Variants in CCDC141 observed in about 807,000 individuals in gnomAD.
CCDC141 encodes the protein coiled-coil domain-containing protein 141.
A neutral mutation model predicts 181.0 loss-of-function variants in CCDC141; 168 were observed. The ratio of observed to expected loss-of-function variants is 0.93; its 90% CI spans 0.82 to 1.05. The LOEUF (loss-of-function observed/expected upper bound fraction) is 1.05. Among genes scored for constraint, CCDC141 ranks in the 50% least tolerant of loss-of-function variants. CCDC141 has a pLI of 0.00. For synonymous variants in CCDC141, 666 were observed against 642.3 expected (o/e 1.04, Z -0.56); for missense variants, 1,902 against 1,788.5 (o/e 1.06, Z -1.14).
chr2:178,989,019 C>T (rs1691897491), intron 2 of CCDC141, among the ~76,000 whole-genome samples: 1 of 152,154 alleles, frequency 6.6e-6, no homozygotes, highest in African/African-American at 2.4e-5. Flanking sequence ...TATCAGTGAT[C>T]TCAATGTAAA....
chr2:178,898,488 A>T (rs1346729904), intron 8 of CCDC141, among the ~76,000 whole-genome samples: 3 of 152,226 alleles, frequency 2.0e-5, no homozygotes, highest in Admixed American at 2.0e-4. Context: ...AAGCATCATA[A>T]AGAATGCACT....
At chr2:178,933,479 T>C (rs2635131) in intron 6 of CCDC141, among the ~76,000 whole-genome samples, 150,224 of 152,298 alleles carry the variant, frequency 0.99, 74,115 homozygotes, top group Middle Eastern at 1. Context: ...CTCTCTGATG[T>C]TGCTGTTGTT....
chr2:178,942,770 A>G (rs2154377067), intron 6 of CCDC141, among the ~76,000 whole-genome samples: 1 of 152,270 alleles, frequency 6.6e-6, no homozygotes, highest in Non-Finnish European at 1.5e-5. Flanking sequence ...CAGGGTGTAT[A>G]TGGGAAATCT....
intron 4 of CCDC141, 25 bp from the exon 5 acceptor site, chr2:178,961,508 A>C: frequency 6.6e-7 from 1 of 1,520,960 alleles, no homozygotes; most frequent in Non-Finnish European, 8.9e-7. Flanking sequence ...GAAAGAAAAA[A>C]GAATAATGAT....
chr2:179,018,833 T>A (rs771971504), intron 2 of CCDC141, among the ~76,000 whole-genome samples: 4 of 152,140 alleles, frequency 2.6e-5, no homozygotes, highest in Non-Finnish European at 4.4e-5. Flanking sequence ...TATTTCTTTT[T>A]AAATACAATA....
chr2:178,997,877 G>A (rs185544280), intron 2 of CCDC141, among the ~76,000 whole-genome samples: 89 of 152,260 alleles, frequency 5.8e-4, no homozygotes, highest in African/African-American at 2.0e-3. Context: ...TGAGCCTGGT[G>A]CTCCAGCCTT....
intron 8 of CCDC141, among the ~76,000 whole-genome samples, chr2:178,898,309 G>A (rs1168321625): frequency 6.6e-6 from 1 of 152,140 alleles, no homozygotes; most frequent in Non-Finnish European, 1.5e-5. Flanking sequence ...TTATGAGGCA[G>A]CATGAGGTTC....
At chr2:178,952,003 T>G (rs903598175) in intron 5 of CCDC141, among the ~76,000 whole-genome samples, 7 of 152,132 alleles carry the variant, frequency 4.6e-5, no homozygotes, top group Admixed American at 1.3e-4. Flanking sequence ...TTAATGAAAA[T>G]GTAATCAACT....
intron 1 of CCDC141, 29 bp downstream of exon 1, chr2:179,049,811 G>A (rs938495531): frequency 4.2e-5 from 65 of 1,549,802 alleles, no homozygotes; most frequent in African/African-American, 1.2e-4. Context: ...GCCCACAGCC[G>A]CACAGAAAAA....
At chr2:179,017,421 G>A (rs921258416) in intron 2 of CCDC141, among the ~76,000 whole-genome samples, 4 of 151,986 alleles carry the variant, frequency 2.6e-5, no homozygotes, top group African/African-American at 7.2e-5. Flanking sequence ...CTTCTTTTCT[G>A]TTCCTTGGGA....
intron 2 of CCDC141, among the ~76,000 whole-genome samples, chr2:178,995,612 A>G (rs1692253509): frequency 6.6e-6 from 1 of 152,212 alleles, no homozygotes; most frequent in South Asian, 2.1e-4. Flanking sequence ...AAAACAAAAA[A>G]TCTAGATTAT....
In CCDC141 at chr2:178,870,231, C is replaced by CAAAAAAAAAAAAAAAAAAAAAAA. The variant is rs34625707; in HGVS notation, c.2206-949_2206-927dup. On this transcript the variant is annotated intron_variant, in intron 14 of 23. Coordinates refer to ENST00000443758, the MANE Select transcript of CCDC141 (RefSeq NM_173648.4). Reference sequence around the variant, plus strand: ...TGGGCAACAGAGTAAGACTCTGTCTCAAAAAAAAAAAAAAAAAAAAAAAGA... The same window carrying CAAAAAAAAAAAAAAAAAAAAAAA: ...TGGGCAACAGAGTAAGACTCTGTCTCAAAAAAAAAAAAAAAAAAAAAAAAAAAAAAAAAAAAAAAAAAAAAAGA... Among the ~76,000 whole-genome samples, 30 of 60,288 alleles carry CAAAAAAAAAAAAAAAAAAAAAAA rather than the reference C, an allele frequency of 5.0e-4. 3 individuals are homozygous for CAAAAAAAAAAAAAAAAAAAAAAA. Among genetic ancestry groups the CAAAAAAAAAAAAAAAAAAAAAAA allele is most frequent in the Admixed American group, 1.6e-3 (6 of 3,782 alleles). 39.6% of individuals were successfully genotyped at this position (60,288 alleles called of 152,430 possible). A position where few individuals can be genotyped will look rare whatever the true frequency, so the allele number is the denominator to read the frequency against.
intron 9 of CCDC141, among the ~76,000 whole-genome samples, chr2:178,888,307 T>A (rs992705886): frequency 6.6e-6 from 1 of 152,314 alleles, no homozygotes; most frequent in South Asian, 2.1e-4. Flanking sequence ...TTTGTGTGTA[T>A]ACCTTCAGGC....
At chr2:178,985,228 A>C (rs1424043829) in intron 2 of CCDC141, among the ~76,000 whole-genome samples, 1 of 151,558 alleles carries the variant, frequency 6.6e-6, no homozygotes, top group African/African-American at 2.4e-5. Flanking sequence ...TGGGTACATA[A>C]CGAAATGAAG....
intron 2 of CCDC141, among the ~76,000 whole-genome samples, chr2:179,021,546 G>T (rs2042692447): frequency 6.6e-6 from 1 of 152,182 alleles, no homozygotes; most frequent in Non-Finnish European, 1.5e-5. Flanking sequence ...GAGAATTCTT[G>T]TGTCAACTCT....
At chr2:179,029,023 A>G (rs1326369548) in intron 2 of CCDC141, among the ~76,000 whole-genome samples, 1 of 152,084 alleles carries the variant, frequency 6.6e-6, no homozygotes, top group Admixed American at 6.6e-5. Flanking sequence ...CTCCATAACA[A>G]TGTAGCCTCA....
In CCDC141 at chr2:178,830,430, G is replaced by A. The variant is rs1684205731; in HGVS notation, c.*3743C>T. 1 of 152,150 alleles carries A rather than the reference G, an allele frequency of 6.6e-6. No individual in the cohort carries two copies. Among genetic ancestry groups the A allele is most frequent in the Non-Finnish European group, 1.5e-5 (1 of 68,046 alleles). The allele number at this position is 152,150 out of a possible 1,614,324, so 9.4% of individuals were successfully genotyped here. A position where few individuals can be genotyped will look rare whatever the true frequency, so the allele number is the denominator to read the frequency against. On this transcript the variant is annotated 3_prime_UTR_variant, in exon 24 of 24. Transcript: ENST00000443758. ...TAGGGCCTGATTCGGATTGACTCCT[G>A]TCTATAAGAAGGGAGAATCATCTTT...
intron 5 of CCDC141, among the ~76,000 whole-genome samples, chr2:178,945,578 T>G (rs900527180): frequency 1.3e-5 from 2 of 152,168 alleles, no homozygotes; most frequent in African/African-American, 4.8e-5. Context: ...TGTGCCCTGC[T>G]GCCATGCTTG....
chr2:178,817,074 T>A, the CCDC141 span, among the ~76,000 whole-genome samples: 2 of 152,322 alleles, frequency 1.3e-5, no homozygotes, highest in South Asian at 4.1e-4. Context: ...AATATTCACA[T>A]GGGTTATGGA....
Sources: allele counts gnomAD v4.1 joint callset (sites outside exome capture counted in the v4.1 genomes callset), GRCh38; gene constraint gnomAD v4.1.1; transcripts MANE v1.5; gene names NCBI Gene and HGNC (gene_info 2026-07-23, HGNC 2026-07-21).